EYA2: variants seen among roughly 807,000 people sequenced by gnomAD.
EYA2 encodes protein phosphatase EYA2.
Under a neutral mutation model 69.2 loss-of-function variants are expected in EYA2, and 31 were observed. That is an observed-to-expected ratio of 0.45 (90% CI 0.34 to 0.60). The LOEUF (loss-of-function observed/expected upper bound fraction) is 0.60, where lower values mean the gene tolerates loss of function less well. Among genes scored for constraint, EYA2 ranks in the 20% least tolerant of loss-of-function variants. The pLI is 0.02. For missense variants in EYA2, 622 were observed against 701.2 expected, an observed-to-expected ratio of 0.89 and a Z score of 1.28; for synonymous variants, 257 against 279.4, an observed-to-expected ratio of 0.92 and a Z score of 0.80.
intron 1 of EYA2, among the ~76,000 whole-genome samples, chr20:46,983,015 C>T (rs1980939282): frequency 6.6e-6 from 1 of 152,122 alleles, no homozygotes; most frequent in African/African-American, 2.4e-5. Context: ...TCAGGTGATC[C>T]ACCTGCCTTG....
chr20:47,139,700 A>G (rs1333644258), intron 9 of EYA2, among the ~76,000 whole-genome samples: 3 of 152,138 alleles, frequency 2.0e-5, no homozygotes, highest in Non-Finnish European at 4.4e-5. Flanking sequence ...AAAGCACTGG[A>G]TTACAGGTGT....
chr20:47,125,373 C>T (rs2033161596), intron 9 of EYA2, among the ~76,000 whole-genome samples: 1 of 152,036 alleles, frequency 6.6e-6, no homozygotes, highest in Admixed American at 6.5e-5. Context: ...CTTGTTAGTA[C>T]AGATAGACCC....
At chr20:47,186,766 C>T (rs976651026) in intron 15 of EYA2, among the ~76,000 whole-genome samples, 9 of 152,160 alleles carry the variant, frequency 5.9e-5, no homozygotes, top group African/African-American at 2.2e-4. Context: ...TGGCTGGCTC[C>T]CATGACATTT....
At chr20:46,962,718 G>T (rs572181433) in intron 1 of EYA2, among the ~76,000 whole-genome samples, 1 of 152,142 alleles carries the variant, frequency 6.6e-6, no homozygotes, top group African/African-American at 2.4e-5. Flanking sequence ...CTACCTTGTC[G>T]CATCCTACCA....
intron 5 of EYA2, among the ~76,000 whole-genome samples, chr20:47,059,056 GTGATGGGGAA>G (rs1197133698): frequency 6.6e-6 from 1 of 152,206 alleles, no homozygotes; most frequent in Admixed American, 6.5e-5. Flanking sequence ...TGCCTGTGGA[GTGATGGGGAA>G]TGACAGGAAA....
rs572720596 is a variant in EYA2, at chr20:47,160,348, A to G, written c.979-8791A>G. 3.3e-5 allele frequency among the ~76,000 whole-genome samples: 5 copies of G among 152,374 alleles called. No homozygotes were observed. The South Asian group carries it at 1.0e-3, about 32-fold the overall frequency. ...CAGTAGCACAAAAGCTGCAGCAGACAGGATGTAATTGCATGAACATAGATG... is the reference window on the plus strand; with the variant it reads ...CAGTAGCACAAAAGCTGCAGCAGACGGGATGTAATTGCATGAACATAGATG... On this transcript the variant is annotated intron_variant, in intron 10 of 15. Transcript: ENST00000327619.
intron 7 of EYA2, among the ~76,000 whole-genome samples, chr20:47,078,631 A>G (rs1478348567): frequency 1.3e-5 from 2 of 152,238 alleles, no homozygotes; most frequent in African/African-American, 4.8e-5. Flanking sequence ...TTACAGGGCA[A>G]TTTGCTGATA....
chr20:46,903,809 A>G (rs1984228881), intron 1 of EYA2, among the ~76,000 whole-genome samples: 1 of 94,632 alleles, frequency 1.1e-5, no homozygotes, highest in Admixed American at 9.9e-5. Flanking sequence ...CAAATTACTT[A>G]GACTCTTTGG....
At chr20:47,109,015 G>A (rs1244938703) in intron 9 of EYA2, among the ~76,000 whole-genome samples, 1 of 152,140 alleles carries the variant, frequency 6.6e-6, no homozygotes, top group Non-Finnish European at 1.5e-5. Flanking sequence ...CACCCAGGGA[G>A]TGGAGATGCA....
chr20:46,957,385 C>T (rs950190947), intron 1 of EYA2, among the ~76,000 whole-genome samples: 1 of 152,204 alleles, frequency 6.6e-6, no homozygotes, highest in South Asian at 2.1e-4. Flanking sequence ...TCACTGGAAA[C>T]TGTACATGTC....
At chr20:47,105,831 T>C (rs1224706373) in intron 9 of EYA2, among the ~76,000 whole-genome samples, 1 of 152,168 alleles carries the variant, frequency 6.6e-6, no homozygotes, top group East Asian at 1.9e-4. Flanking sequence ...AGCTCAATCA[T>C]ATTTTAATGC....
At chr20:46,989,392 AG>A (rs1197273490) in intron 1 of EYA2, among the ~76,000 whole-genome samples, 10 of 152,116 alleles carry the variant, frequency 6.6e-5, no homozygotes, top group African/African-American at 2.4e-4. Context: ...CAGCCTCCCG[AG>A]TAGCTGGGAC....
At chr20:47,047,605 T>G (rs967687004) in intron 5 of EYA2, among the ~76,000 whole-genome samples, 1 of 152,182 alleles carries the variant, frequency 6.6e-6, no homozygotes, top group African/African-American at 2.4e-5. Flanking sequence ...CAGGCTGGTC[T>G]TGAACACCTG....
intron 5 of EYA2, among the ~76,000 whole-genome samples, chr20:47,036,255 T>G (rs535562286): frequency 6.6e-6 from 1 of 151,912 alleles, no homozygotes; most frequent in East Asian, 1.9e-4. Context: ...ATGTGCAAAA[T>G]GTAACAGAGT....
Position 47,172,854 on chromosome 20 carries a change from GAAC to G in EYA2, c.1189_1191del (p.Asn397del), listed in dbSNP as rs1485267473. The stretch of plus-strand genomic sequence containing the variant: ...TGAAGGAGATGTACAATACCTACAA[GAAC>G]AACGTTGGTGGTGAGTACTGTGAGC... On this transcript the variant is annotated inframe_deletion, in exon 12 of 16. Transcript: ENST00000327619. 1.2e-6 allele frequency: 2 copies of G among 1,612,162 alleles called. No individual in the cohort carries two copies. The highest frequency in any genetic ancestry group is 1.7e-6 in the Non-Finnish European group (2 of 1,179,122).
chr20:46,917,280 T>C (rs1984951610), intron 1 of EYA2, among the ~76,000 whole-genome samples: 1 of 152,236 alleles, frequency 6.6e-6, no homozygotes, highest in South Asian at 2.1e-4. Flanking sequence ...ACGCAGGAAG[T>C]GCTCAGGAAA....
chr20:46,918,365 A>C (rs537148852), intron 1 of EYA2, among the ~76,000 whole-genome samples: 4 of 148,508 alleles, frequency 2.7e-5, no homozygotes, highest in Non-Finnish European at 6.0e-5. Context: ...CTGATGTGCA[A>C]TGGCACGATC....
intron 5 of EYA2, among the ~76,000 whole-genome samples, chr20:47,045,503 T>G (rs1312575875): frequency 6.6e-6 from 1 of 152,090 alleles, no homozygotes; most frequent in East Asian, 1.9e-4. Context: ...ATCAGAAGAG[T>G]TCTTGACAGC....
chr20:47,009,214 C>T (rs1011260138), intron 4 of EYA2, among the ~76,000 whole-genome samples: 2 of 152,210 alleles, frequency 1.3e-5, no homozygotes, highest in Non-Finnish European at 2.9e-5. Flanking sequence ...TACACACACA[C>T]AGAATGTCCA....
Sources: allele counts gnomAD v4.1 joint callset (sites outside exome capture counted in the v4.1 genomes callset), GRCh38; gene constraint gnomAD v4.1.1; transcripts MANE v1.5; gene names NCBI Gene and HGNC (gene_info 2026-07-23, HGNC 2026-07-21).